DSCAM: variants seen among roughly 807,000 people sequenced by gnomAD.
The protein encoded by DSCAM is DS cell adhesion molecule, also known as cell adhesion molecule DSCAM.
In DSCAM, 47 loss-of-function variants were observed where a neutral mutation model predicts 217.7. That is an observed-to-expected ratio of 0.22 (90% CI 0.17 to 0.28). The LOEUF is 0.28. Among genes scored for constraint, DSCAM ranks in the 10% least tolerant of loss-of-function variants. The pLI is 1.00. For synonymous variants in DSCAM, 1,056 were observed against 1,015.3 expected (o/e 1.04, Z -0.76); for missense variants, 2,080 against 2,618.3 (o/e 0.79, Z 4.49).
chr21:40,417,045 T>A (rs2075378777), intron 3 of DSCAM, among the ~76,000 whole-genome samples: 1 of 152,182 alleles, frequency 6.6e-6, no homozygotes, highest in African/African-American at 2.4e-5. Context: ...GGTTGAGGCA[T>A]CTGACTATAT....
At chr21:40,806,902 T>C (rs1276516273) in intron 1 of DSCAM, among the ~76,000 whole-genome samples, 1 of 152,072 alleles carries the variant, frequency 6.6e-6, no homozygotes, top group Non-Finnish European at 1.5e-5. Flanking sequence ...CAGGTGGCAG[T>C]TGAACAATGA....
intron 3 of DSCAM, among the ~76,000 whole-genome samples, chr21:40,596,386 G>A (rs1307163639): frequency 6.6e-6 from 1 of 152,148 alleles, no homozygotes; most frequent in Non-Finnish European, 1.5e-5. Context: ...TCATTGACGG[G>A]TGGGAGTTGA....
chr21:40,118,378 A>C (rs1048891155), intron 20 of DSCAM, among the ~76,000 whole-genome samples: 8 of 152,248 alleles, frequency 5.3e-5, no homozygotes, highest in East Asian at 3.9e-4. Context: ...TTGAGGTCAG[A>C]AGTTTGAGAG....
chr21:40,400,666 C>T (rs1010280512), intron 3 of DSCAM, among the ~76,000 whole-genome samples: 3 of 152,216 alleles, frequency 2.0e-5, no homozygotes, highest in East Asian at 1.9e-4. Flanking sequence ...ATCCTTCTGC[C>T]TTGGCCTCCC....
intron 3 of DSCAM, among the ~76,000 whole-genome samples, chr21:40,570,429 C>T (rs908218573): frequency 1.3e-5 from 2 of 152,228 alleles, no homozygotes; most frequent in Admixed American, 1.3e-4. Context: ...GGAGCATGTC[C>T]TTCCTGCAAG....
At chr21:40,776,677 T>C (rs1334360160) in intron 1 of DSCAM, among the ~76,000 whole-genome samples, 1 of 152,026 alleles carries the variant, frequency 6.6e-6, no homozygotes, top group Non-Finnish European at 1.5e-5. Flanking sequence ...AAGGTGAAGG[T>C]GGAAATTCTC....
At chr21:40,754,485 A>G (rs1408774190) in intron 1 of DSCAM, among the ~76,000 whole-genome samples, 1 of 152,222 alleles carries the variant, frequency 6.6e-6, no homozygotes, top group East Asian at 1.9e-4. Context: ...GCAAGTCGCC[A>G]CTATGAGAAA....
intron 1 of DSCAM, among the ~76,000 whole-genome samples, chr21:40,808,957 C>T (rs1224751137): frequency 6.6e-6 from 1 of 152,194 alleles, no homozygotes; most frequent in East Asian, 1.9e-4. Context: ...TAGCATCTAA[C>T]TTCTACCCCA....
chr21:40,702,280 A>G (rs1038165023), intron 2 of DSCAM, among the ~76,000 whole-genome samples: 1 of 152,190 alleles, frequency 6.6e-6, no homozygotes. Flanking sequence ...CTTACAACAT[A>G]GAGTGAAATT....
intron 3 of DSCAM, among the ~76,000 whole-genome samples, chr21:40,478,644 A>G (rs965467264): frequency 6.6e-6 from 1 of 152,212 alleles, no homozygotes; most frequent in South Asian, 2.1e-4. Context: ...TGAGCAAAGA[A>G]CTATAAATCT....
intron 1 of DSCAM, among the ~76,000 whole-genome samples, chr21:40,797,767 T>C (rs2091704544): frequency 6.6e-6 from 1 of 152,184 alleles, no homozygotes; most frequent in South Asian, 2.1e-4. Flanking sequence ...ACCCAGAGCT[T>C]ATTCAGCTTC....
At chr21:40,726,624 T>C (rs912748941) in intron 1 of DSCAM, among the ~76,000 whole-genome samples, 1 of 152,080 alleles carries the variant, frequency 6.6e-6, no homozygotes, top group Admixed American at 6.5e-5. Context: ...ATTCCAATCA[T>C]GATCAGAAGG....
intron 11 of DSCAM, among the ~76,000 whole-genome samples, chr21:40,257,498 A>ACACACAC (rs57376473): frequency 6.7e-6 from 1 of 150,232 alleles, no homozygotes; most frequent in African/African-American, 2.5e-5. Context: ...ACACACACAC[A>ACACACAC]ATGGCAAACG....
intron 3 of DSCAM, among the ~76,000 whole-genome samples, chr21:40,373,025 G>T (rs1274396691): frequency 3.3e-5 from 5 of 152,132 alleles, no homozygotes; most frequent in African/African-American, 1.2e-4. Flanking sequence ...GAAACCCTCA[G>T]ATTTGGAGTT....
chr21:40,653,660 G>A lies in DSCAM; in HGVS notation c.508+39150C>T, dbSNP rs190858098. On this transcript the variant is annotated intron_variant, in intron 3 of 32. Coordinates refer to ENST00000400454, the MANE Select transcript of DSCAM (RefSeq NM_001389.5). Reference sequence around the variant, plus strand: ...GGAAAGCACCCAGACACAGAGTGGAGAAGACCCCGCGTTGACTGTGATCAT... The same window carrying A: ...GGAAAGCACCCAGACACAGAGTGGAAAAGACCCCGCGTTGACTGTGATCAT... 6.3e-4 allele frequency among the ~76,000 whole-genome samples: 96 copies of A among 152,282 alleles called. 2 individuals are homozygous for A. The highest frequency in any genetic ancestry group is 2.2e-3 in the African/African-American group (93 of 41,568).
At position 40,625,968 on chromosome 21, in the gene DSCAM, C is replaced by A. The variant is rs145994757; in HGVS notation, c.508+66842G>T. ...GTACATGTTTATTAATAGTTTAAAT[C>A]TTTATTATTTAGGTGTCTAAATTTG... is the stretch of plus-strand genomic sequence containing the variant. On this transcript the variant is annotated intron_variant, in intron 3 of 32. Coordinates refer to ENST00000400454, the MANE Select transcript of DSCAM (RefSeq NM_001389.5). Among the ~76,000 whole-genome samples the A allele has an allele frequency of 6.9e-3, 1,055 of 152,106 alleles. 9 individuals are homozygous for A. The highest frequency in any genetic ancestry group is 0.024 in the African/African-American group (997 of 41,472).
chr21:40,554,805 A>G (rs1010715398), intron 3 of DSCAM, among the ~76,000 whole-genome samples: 14 of 150,276 alleles, frequency 9.3e-5, no homozygotes, highest in Non-Finnish European at 1.3e-4. Flanking sequence ...CTCCCATAAT[A>G]TTTCATTTTT....
chr21:40,653,225 C>A (rs1174504181), intron 3 of DSCAM, among the ~76,000 whole-genome samples: 2 of 152,110 alleles, frequency 1.3e-5, no homozygotes, highest in East Asian at 3.8e-4. Context: ...AATCATCAAC[C>A]CAAGGGGTGG....
At chr21:40,466,218 C>A (rs956147) in intron 3 of DSCAM, among the ~76,000 whole-genome samples, 33,830 of 152,120 alleles carry the variant, frequency 0.22, 3,982 homozygotes, top group South Asian at 0.27. Flanking sequence ...CAGCTGGATA[C>A]ATCTACCCCT....
Sources: gnomAD v4.1 joint callset for allele counts (sites outside exome capture counted in the v4.1 genomes callset) on GRCh38, gnomAD v4.1.1 for gene constraint, MANE v1.5 for transcripts, NCBI Gene and HGNC (gene_info 2026-07-23, HGNC 2026-07-21) for gene names.